WDR49: variants seen among roughly 807,000 people sequenced by gnomAD.
The protein encoded by WDR49 is cilia- and flagella-associated protein 337.
WDR49 carries 107 observed loss-of-function variants against 119.5 expected under a neutral mutation model. The ratio of observed to expected loss-of-function variants is 0.90; its 90% CI spans 0.77 to 1.05. WDR49 has a LOEUF of 1.05. WDR49 is among the 50% of genes least tolerant of loss of function. The probability of loss-of-function intolerance (pLI) is 0.00; values close to 1 mark genes in which losing one functional copy is unlikely to be tolerated. For synonymous variants in WDR49, 425 were observed against 418.8 expected (o/e 1.01, Z -0.18); for missense variants, 1,240 against 1,220.5 (o/e 1.02, Z -0.24).
intron 7 of WDR49, among the ~76,000 whole-genome samples, chr3:167,581,216 A>T (rs1423430438): frequency 6.6e-6 from 1 of 152,126 alleles, no homozygotes; most frequent in African/African-American, 2.4e-5. Flanking sequence ...TTTCTTGCAT[A>T]ATCTTTATCT....
At chr3:167,596,542 A>G (rs1382776271) in intron 7 of WDR49, among the ~76,000 whole-genome samples, 1 of 150,490 alleles carries the variant, frequency 6.6e-6, no homozygotes, top group African/African-American at 2.4e-5. Context: ...ATGCAGCCAT[A>G]AAAAATGATG....
chr3:167,653,612 C>T, intron 1 of WDR49, 113 bp from the exon 2 acceptor site: 1 of 566,242 alleles, frequency 1.8e-6, no homozygotes, highest in Non-Finnish European at 2.9e-6. Flanking sequence ...TGAAAGCCCT[C>T]AACCCTCTCA....
At chr3:167,628,833 A>G (rs1577288434) in intron 2 of WDR49, among the ~76,000 whole-genome samples, 1 of 152,294 alleles carries the variant, frequency 6.6e-6, no homozygotes, top group Middle Eastern at 3.4e-3. Flanking sequence ...AGCTGAGAGA[A>G]AAAGTCATGC....
rs548625409 is a variant in WDR49 at position 167,641,222 on chromosome 3, ATG to A, written c.165+12037_165+12038del. ...TCTGGAAGGCTCCCACCCATGAGTT[ATG>A]TGTTTTTATGATGTGTCTCTGCAGA... On this transcript the variant is annotated intron_variant, in intron 2 of 18. Coordinates refer to ENST00000682715, the MANE Select transcript of WDR49 (RefSeq NM_001366157.1). 6.6e-5 allele frequency among the ~76,000 whole-genome samples: 10 copies of A among 151,954 alleles called. No individual in the cohort carries two copies. The South Asian group carries it at 1.9e-3, about 28-fold the overall frequency.
At chr3:167,563,451 A>C (rs1713402102) in intron 8 of WDR49, among the ~76,000 whole-genome samples, 2 of 152,012 alleles carry the variant, frequency 1.3e-5, no homozygotes, top group South Asian at 4.1e-4. Context: ...AGTGCTTAGG[A>C]AGTTGGATTA....
rs995498327 is a variant in WDR49 at position 167,500,332 on chromosome 3, G to T, written c.2885-33C>A. ...ACAGCAGGTTTTAGAGGAAGACAGGGAGAAAAAGGGTACAATATCATTAAC... is the reference window on the plus strand; with the variant it reads ...ACAGCAGGTTTTAGAGGAAGACAGGTAGAAAAAGGGTACAATATCATTAAC... On this transcript the variant is annotated intron_variant, in intron 17 of 18. Transcript: ENST00000682715. 9 of 1,596,936 alleles carry T rather than the reference G, an allele frequency of 5.6e-6. No individual in the cohort carries two copies. In the Admixed American group the frequency reaches 9.1e-5, roughly 16 times the overall value.
rs201989824 is a variant in WDR49 at position 167,613,872 on chromosome 3, G to C, written c.958+6557C>G. On this transcript the variant is annotated intron_variant, in intron 5 of 18. Transcript: ENST00000682715. ...AGGCAGGAGAATCGCTTGAACCCAG[G>C]AGACAGAAGTTGCAGTGAGCCGAGA... is the stretch of plus-strand genomic sequence containing the variant. Among the ~76,000 whole-genome samples, 18 of 151,222 alleles carry C rather than the reference G, an allele frequency of 1.2e-4. No individual in the cohort carries two copies. In the East Asian group the frequency reaches 2.8e-3, roughly 23 times the overall value.
Position 167,554,572 on chromosome 3 carries a change from T to C in WDR49, c.1823+78A>G, listed in dbSNP as rs189145248. On this transcript the variant is annotated intron_variant, in intron 10 of 18. Transcript: ENST00000682715. The stretch of plus-strand genomic sequence containing the variant: ...CACCTAGGTCACCAGCAAGTTTTAA[T>C]GACACAGAGTCAACCAAGATTTTTA... The C allele has an allele frequency of 3.4e-6, 3 of 877,098 alleles. 1 individual carries two copies. The highest frequency in any genetic ancestry group is 1.7e-5 in the African/African-American group (1 of 57,446). The allele number at this position is 877,098 out of a possible 1,614,324, so 54.3% of individuals were successfully genotyped here. A position where few individuals can be genotyped will look rare whatever the true frequency, so the allele number is the denominator to read the frequency against.
chr3:167,614,367 G>T (rs1577278166), intron 5 of WDR49, among the ~76,000 whole-genome samples: 1 of 152,266 alleles, frequency 6.6e-6, no homozygotes, highest in Non-Finnish European at 1.5e-5. Context: ...CCAAAATGCT[G>T]TGATTACAGA....
At chr3:167,632,770 A>C (rs760692196) in intron 2 of WDR49, among the ~76,000 whole-genome samples, 12 of 152,054 alleles carry the variant, frequency 7.9e-5, no homozygotes, top group Non-Finnish European at 1.5e-4. Context: ...AACTAGAATT[A>C]ATTCATTCAT....
chr3:167,585,219 T>C (rs1714743259), intron 7 of WDR49, among the ~76,000 whole-genome samples: 1 of 152,140 alleles, frequency 6.6e-6, no homozygotes, highest in Admixed American at 6.6e-5. Context: ...TTTTCACTGC[T>C]GACAAGAATA....
At chr3:167,553,619 AT>A (rs1218567971) in intron 10 of WDR49, among the ~76,000 whole-genome samples, 1 of 152,138 alleles carries the variant, frequency 6.6e-6, no homozygotes, top group Non-Finnish European at 1.5e-5. Flanking sequence ...AGCTAAACTT[AT>A]TCATTGCCAT....
chr3:167,493,527 T>C (rs1458120874), intron 18 of WDR49, among the ~76,000 whole-genome samples: 3 of 152,312 alleles, frequency 2.0e-5, no homozygotes, highest in South Asian at 4.1e-4. Flanking sequence ...CAGTGAGGCA[T>C]GGAAAACACT....
chr3:167,534,652 C>T (rs533136051), intron 11 of WDR49, among the ~76,000 whole-genome samples: 7 of 152,234 alleles, frequency 4.6e-5, no homozygotes, highest in South Asian at 4.1e-4. Context: ...TAATTGATGA[C>T]ATTTTTGGTT....
At position 167,618,267 on chromosome 3, in the gene WDR49, G is replaced by A. The variant is rs368854025; in HGVS notation, c.958+2162C>T. ...TTAGTAGTTAATTTTCAGTACCACT[G>A]AACAATGTTCTAATAAGGTGACTTG... On this transcript the variant is annotated intron_variant, in intron 5 of 18. Coordinates refer to ENST00000682715, the MANE Select transcript of WDR49 (RefSeq NM_001366157.1). Among the ~76,000 whole-genome samples, 9 of 152,198 alleles carry A rather than the reference G, an allele frequency of 5.9e-5. 1 individual carries two copies. The highest frequency in any genetic ancestry group is 6.8e-3 in the Middle Eastern group (2 of 294).
In WDR49 at chr3:167,514,198, C is replaced by T. The variant is rs555462182; in HGVS notation, c.2774+8117G>A. On this transcript the variant is annotated intron_variant, in intron 16 of 18. Coordinates refer to ENST00000682715, the MANE Select transcript of WDR49 (RefSeq NM_001366157.1). Reference sequence around the variant, plus strand: ...ATGGCACTTCCTCTAAAATTGATCACATAATTGGAAGTAAAACACTCCTCA... The same window carrying T: ...ATGGCACTTCCTCTAAAATTGATCATATAATTGGAAGTAAAACACTCCTCA... Among the ~76,000 whole-genome samples, 223 of 152,240 alleles carry T rather than the reference C, an allele frequency of 1.5e-3. 1 individual carries two copies. The highest frequency in any genetic ancestry group is 5.1e-3 in the African/African-American group (210 of 41,540).
chr3:167,554,836 G>A (rs1712829497), intron 9 of WDR49, 38 bp from the exon 10 acceptor site: 1 of 1,454,386 alleles, frequency 6.9e-7, no homozygotes, highest in African/African-American at 1.4e-5. Flanking sequence ...GAGACAGGAA[G>A]GTAAACTTTT....
chr3:167,622,395 A>C (rs1332218822), intron 3 of WDR49, among the ~76,000 whole-genome samples: 1 of 152,012 alleles, frequency 6.6e-6, no homozygotes, highest in African/African-American at 2.4e-5. Context: ...AGAAAGAAAG[A>C]AACAAATGAG....
chr3:167,600,569 C>T (rs1715719971), intron 7 of WDR49, among the ~76,000 whole-genome samples: 1 of 152,150 alleles, frequency 6.6e-6, no homozygotes, highest in South Asian at 2.1e-4. Context: ...GGCTTTCTAT[C>T]CCATGATCTT....
Sources: allele counts gnomAD v4.1 joint callset (sites outside exome capture counted in the v4.1 genomes callset), GRCh38; gene constraint gnomAD v4.1.1; transcripts MANE v1.5; gene names NCBI Gene and HGNC (gene_info 2026-07-23, HGNC 2026-07-21).